MGAM: variants seen among roughly 807,000 people sequenced by gnomAD.
The protein encoded by MGAM is alpha-1,4-glucosidase.
MGAM carries 253 observed loss-of-function variants against 358.8 expected under a neutral mutation model. The ratio of observed to expected loss-of-function variants is 0.71; its 90% CI spans 0.64 to 0.78. The LOEUF (loss-of-function observed/expected upper bound fraction) is 0.78, where lower values mean the gene tolerates loss of function less well. Among genes scored for constraint, MGAM ranks in the 30% least tolerant of loss-of-function variants. MGAM has a pLI of 0.00. For synonymous variants in MGAM, 1,105 were observed against 1,227.1 expected (o/e 0.90, Z 2.08); for missense variants, 3,080 against 3,432.6 (o/e 0.90, Z 2.57).
intron 1 of MGAM, among the ~76,000 whole-genome samples, chr7:142,002,952 C>G (rs1458930090): frequency 6.7e-6 from 1 of 149,972 alleles, no homozygotes; most frequent in Admixed American, 6.7e-5. Flanking sequence ...GGCTGAGAAC[C>G]AAATCAAGAA....
chr7:142,093,292 G>A lies in MGAM; in HGVS notation c.7034-120G>A, dbSNP rs1563219508. 35 of 1,287,426 alleles carry A rather than the reference G, an allele frequency of 2.7e-5. 3 individuals carry two copies. The South Asian group carries it at 3.1e-4, about 11-fold the overall frequency. The allele number at this position is 1,287,426 out of a possible 1,614,324, so 79.8% of individuals were successfully genotyped here. A position where few individuals can be genotyped will look rare whatever the true frequency, so the allele number is the denominator to read the frequency against. On this transcript the variant is annotated intron_variant, in intron 59 of 70. Transcript: ENST00000475668. ...GCTGTGCTCATGTCTCTGGGAAGAC[G>A]GAGAGTGACACAGGCAGGACTGAAG...
intron 1 of MGAM, among the ~76,000 whole-genome samples, chr7:142,003,287 C>T (rs1297657074): frequency 6.6e-6 from 1 of 151,938 alleles, no homozygotes; most frequent in Non-Finnish European, 1.5e-5. Context: ...AAGAATAAAG[C>T]TGGAGGTATC....
intron 1 of MGAM, among the ~76,000 whole-genome samples, chr7:142,000,999 A>G (rs1356798149): frequency 2.6e-5 from 4 of 152,224 alleles, no homozygotes; most frequent in African/African-American, 9.6e-5. Flanking sequence ...GGTCACTTGG[A>G]TAGACATTCT....
rs572698634 is a variant in MGAM, at chr7:142,093,477, C to T, written c.7099C>T (p.Pro2367Ser). The change falls in exon 60 of 71, where the codon CCA becomes TCA. Residue 2367 changes from proline (P) to serine (S), a missense_variant. Coordinates refer to ENST00000475668, the MANE Select transcript of MGAM (RefSeq NM_001365693.1). ...TLCMESQQIL[P>S]DGSPVQHYNV... is the part of the protein sequence containing the mutation. ...GTGCATGGAGAGTCAGCAGATCCTC[C>T]CAGACGGCTCCCCGGTGCAGCACTA... is the stretch of plus-strand genomic sequence containing the variant. 1.7e-3 allele frequency: 2,640 copies of T among 1,526,880 alleles called. 426 individuals are homozygous for T. Among genetic ancestry groups the T allele is most frequent in the Non-Finnish European group, 2.1e-3 (2,347 of 1,117,480 alleles). 94.6% of individuals were successfully genotyped at this position (1,526,880 alleles called of 1,614,324 possible).
chr7:142,008,766 T>G (rs967258555), intron 3 of MGAM, 61 bp downstream of exon 3: 74 of 1,545,574 alleles, frequency 4.8e-5, no homozygotes, highest in South Asian at 2.0e-4. Context: ...TTTATTTTTT[T>G]TTGTTGTTTT....
At chr7:142,054,261 C>T (rs1811281019) in intron 26 of MGAM, among the ~76,000 whole-genome samples, 2 of 152,214 alleles carry the variant, frequency 1.3e-5, no homozygotes, top group Non-Finnish European at 2.9e-5. Context: ...AACCATAACA[C>T]TGCCTTATTG....
intron 1 of MGAM, among the ~76,000 whole-genome samples, chr7:141,996,722 G>A (rs1387127628): frequency 6.6e-6 from 1 of 152,166 alleles, no homozygotes; most frequent in African/African-American, 2.4e-5. Flanking sequence ...CTATGCTTAT[G>A]GGTTTGGTGC....
At chr7:142,044,702 A>G (rs1809794960) in intron 21 of MGAM, among the ~76,000 whole-genome samples, 3 of 92,002 alleles carry the variant, frequency 3.3e-5, no homozygotes, top group Non-Finnish European at 4.3e-5. Context: ...TGAATATTAT[A>G]TACACGTGTA....
rs78136272 is a variant in MGAM, at chr7:142,094,388, G to A, written c.7197G>A (p.Gln2399=). 3.9e-6 allele frequency: 6 copies of A among 1,529,320 alleles called. 1 individual carries two copies. The highest frequency in any genetic ancestry group is 3.6e-5 in the Admixed American group (2 of 55,116). 94.7% of individuals were successfully genotyped at this position (1,529,320 alleles called of 1,614,324 possible). The part of the protein sequence containing the change: ...TYEAVQEVTG[Q]RGVVITRSTF... Reference sequence around the variant, plus strand: ...GAGCCGTGCAGGAGGTGACAGGACAGCGAGGGGTCGTCATCACCCGCTCCA... The same window carrying A: ...GAGCCGTGCAGGAGGTGACAGGACAACGAGGGGTCGTCATCACCCGCTCCA... Residue 2399 remains glutamine, a synonymous_variant, in exon 61 of 71, where the codon CAG becomes CAA. Transcript: ENST00000475668.
chr7:142,045,025 TGTATACACGTGTA>T, intron 21 of MGAM, among the ~76,000 whole-genome samples: 5 of 103,540 alleles, frequency 4.8e-5, no homozygotes, highest in Non-Finnish European at 9.4e-5. Flanking sequence ...ATATGTATAT[TGTATACACGTGTA>T]ATATATGATA....
At position 142,053,609 on chromosome 7, in the gene MGAM, T is replaced by C. The variant is rs537054256; in HGVS notation, c.3159+625T>C. Among the ~76,000 whole-genome samples, 7 of 152,254 alleles carry C rather than the reference T, an allele frequency of 4.6e-5. No individual in the cohort carries two copies. In the South Asian group the frequency reaches 1.5e-3, roughly 32 times the overall value. ...AGGACTAGGGATGGACTAGCTGTGA[T>C]GTCTATTTTTCTATTAAACTAAGCT... On this transcript the variant is annotated intron_variant, in intron 26 of 70. Coordinates refer to ENST00000475668, the MANE Select transcript of MGAM (RefSeq NM_001365693.1).
chr7:142,026,999 C>A (rs781977582), intron 8 of MGAM, 116 bp from the exon 9 acceptor site: 1 of 759,044 alleles, frequency 1.3e-6, no homozygotes, highest in Non-Finnish European at 2.2e-6. Context: ...ATGTGAGGCA[C>A]TAGGGTCACC....
chr7:142,100,963 T>C, intron 68 of MGAM, 73 bp downstream of exon 68: 2 of 1,334,584 alleles, frequency 1.5e-6, no homozygotes, highest in Non-Finnish European at 2.1e-6. Flanking sequence ...AGGCCTGCTT[T>C]CACCTTTTCC....
rs182659947 is a variant in MGAM, at chr7:142,075,999, A to T, written c.5276-204A>T. Among the ~76,000 whole-genome samples, 5 of 146,508 alleles carry T rather than the reference A, an allele frequency of 3.4e-5. No homozygotes were observed. In the East Asian group the frequency reaches 1.0e-3, roughly 29 times the overall value. The stretch of plus-strand genomic sequence containing the variant: ...TATACTCACTCCTCCCATATTCATT[A>T]CAGCATTACTTGCAACAGCCAAGAT... On this transcript the variant is annotated intron_variant, in intron 45 of 70. Coordinates refer to ENST00000475668, the MANE Select transcript of MGAM (RefSeq NM_001365693.1).
rs1407896350 is a variant in MGAM at position 142,030,154 on chromosome 7, GA to G, written c.1222-207del. 7 of 532,382 alleles carry G rather than the reference GA, an allele frequency of 1.3e-5. No homozygotes were observed. The East Asian group carries it at 2.4e-4, about 18-fold the overall frequency. 33.0% of individuals were successfully genotyped at this position (532,382 alleles called of 1,614,324 possible). A position where few individuals can be genotyped will look rare whatever the true frequency, so the allele number is the denominator to read the frequency against. On this transcript the variant is annotated intron_variant, in intron 10 of 70. Transcript: ENST00000475668. Reference sequence around the variant, plus strand: ...ATGATGCAGTTAACCTGATGGCAGGGAGGGGGCCAAGCCCTAGGGAACCAAC... The same window carrying G: ...ATGATGCAGTTAACCTGATGGCAGGGGGGGGCCAAGCCCTAGGGAACCAAC...
chr7:142,044,602 G>C lies in MGAM; in HGVS notation c.2499-3183G>C, dbSNP rs1190323243. ...TATATAATGTATATTATATACACGT[G>C]TAATATATGATATATAATGTATATT... On this transcript the variant is annotated intron_variant, in intron 21 of 70. Coordinates refer to ENST00000475668, the MANE Select transcript of MGAM (RefSeq NM_001365693.1). Among the ~76,000 whole-genome samples, 7 of 122,132 alleles carry C rather than the reference G, an allele frequency of 5.7e-5. No individual in the cohort carries two copies. The East Asian group carries it at 1.6e-3, about 27-fold the overall frequency. The allele number at this position is 122,132 out of a possible 152,430, so 80.1% of individuals were successfully genotyped here.
At chr7:142,051,537 A>C (rs1436993181) in intron 24 of MGAM, among the ~76,000 whole-genome samples, 1 of 152,178 alleles carries the variant, frequency 6.6e-6, no homozygotes, top group Non-Finnish European at 1.5e-5. Flanking sequence ...ACTATATAGA[A>C]AAATATTAAA....
chr7:142,001,953 T>C (rs1178159806), intron 1 of MGAM, among the ~76,000 whole-genome samples: 5 of 152,224 alleles, frequency 3.3e-5, no homozygotes, highest in African/African-American at 9.6e-5. Flanking sequence ...AAAGAAATTG[T>C]AGTTTCATTT....
rs781954561 is a variant in MGAM at position 142,036,300 on chromosome 7, A to T, written c.2076+15A>T. ...AAGGCTACAAGGTAAGGCTCCTAGGACATAGAGTCAGAATAAATTTGGCAT... is the reference window on the plus strand; with the variant it reads ...AAGGCTACAAGGTAAGGCTCCTAGGTCATAGAGTCAGAATAAATTTGGCAT... On this transcript the variant is annotated intron_variant, in intron 17 of 70. Coordinates refer to ENST00000475668, the MANE Select transcript of MGAM (RefSeq NM_001365693.1). The T allele has an allele frequency of 6.4e-7, 1 of 1,565,784 alleles. No homozygotes were observed. The highest frequency in any genetic ancestry group is 1.8e-5 in the Admixed American group (1 of 54,838).
Sources: allele counts gnomAD v4.1 joint callset (sites outside exome capture counted in the v4.1 genomes callset), GRCh38; gene constraint gnomAD v4.1.1; transcripts MANE v1.5; gene names NCBI Gene and HGNC (gene_info 2026-07-23, HGNC 2026-07-21).